The following MPDZ variants were observed in gnomAD, a reference collection of about 807,000 sequenced individuals.
MPDZ encodes multiple PDZ domain crumbs cell polarity complex component.
MPDZ carries 234 observed loss-of-function variants against 239.1 expected under a neutral mutation model. That is an observed-to-expected ratio of 0.98 (90% CI 0.88 to 1.09). The LOEUF (loss-of-function observed/expected upper bound fraction) is 1.09, where lower values mean the gene tolerates loss of function less well. Among genes scored for constraint, MPDZ ranks in the 50% least tolerant of loss-of-function variants. The pLI is 0.00. For missense variants in MPDZ, 3,175 were observed against 2,510.0 expected, an observed-to-expected ratio of 1.26 and a Z score of -5.66; for synonymous variants, 1,048 against 881.3, an observed-to-expected ratio of 1.19 and a Z score of -3.35.
intron 21 of MPDZ, among the ~76,000 whole-genome samples, chr9:13,173,267 T>C (rs1445578002): frequency 6.6e-6 from 1 of 152,214 alleles, no homozygotes; most frequent in Admixed American, 6.5e-5. Flanking sequence ...ATGAAAATGG[T>C]CAATTTTATG....
intron 19 of MPDZ, among the ~76,000 whole-genome samples, chr9:13,177,139 A>G (rs1952605318): frequency 6.6e-6 from 1 of 152,160 alleles, no homozygotes; most frequent in Non-Finnish European, 1.5e-5. Context: ...ATAAATATGT[A>G]TATCTACTTA....
At chr9:13,148,867 A>G (rs1032701383) in intron 25 of MPDZ, among the ~76,000 whole-genome samples, 2 of 152,174 alleles carry the variant, frequency 1.3e-5, no homozygotes, top group East Asian at 1.9e-4. Context: ...GCTAAATTGC[A>G]TACAGTATTT....
Position 13,107,081 on chromosome 9 carries a change from T to C in MPDZ, c.6097A>G (p.Arg2033Gly). The change falls in exon 47 of 47, where the codon AGG becomes GGG. Residue 2033 changes from arginine to glycine, a missense_variant. Transcript: ENST00000319217. ...GAASEDGRLK[R>G]GDQIIAVNGQ... ...TTGACAGCAATGATCTGATCGCCCC[T>C]TTTCAGACGTCCGTCTTCAGAGGCT... The C allele has an allele frequency of 6.3e-7, 1 of 1,581,118 alleles. No individual in the cohort carries two copies. Among genetic ancestry groups the C allele is most frequent in the Non-Finnish European group, 8.7e-7 (1 of 1,155,296 alleles).
chr9:13,166,741 C>T (rs1284599207), intron 22 of MPDZ, among the ~76,000 whole-genome samples: 1 of 152,012 alleles, frequency 6.6e-6, no homozygotes, highest in Non-Finnish European at 1.5e-5. Flanking sequence ...CTTCTGCCCA[C>T]ATGATAGGGT....
intron 38 of MPDZ, 117 bp downstream of exon 38, chr9:13,121,622 A>T: frequency 4.9e-6 from 5 of 1,022,532 alleles, no homozygotes; most frequent in Non-Finnish European, 7.3e-6. Context: ...GGCTAACAAC[A>T]GCTACCTACT....
chr9:13,159,785 A>T (rs1950247025), intron 23 of MPDZ, among the ~76,000 whole-genome samples: 1 of 152,132 alleles, frequency 6.6e-6, no homozygotes. Flanking sequence ...ATGATTCTAT[A>T]ATCTTGAATC....
intron 23 of MPDZ, among the ~76,000 whole-genome samples, chr9:13,161,550 G>A (rs1236149841): frequency 2.6e-5 from 4 of 152,000 alleles, no homozygotes; most frequent in Admixed American, 6.6e-5. Context: ...CACTGCCTGG[G>A]CAACAAGAGT....
chr9:13,226,037 G>A (rs1333083270), intron 3 of MPDZ, among the ~76,000 whole-genome samples: 4 of 151,966 alleles, frequency 2.6e-5, no homozygotes, highest in African/African-American at 9.7e-5. Flanking sequence ...GGGGAACCTC[G>A]CAAATTTGCA....
chr9:13,137,508 C>T (rs1000131069), intron 29 of MPDZ, among the ~76,000 whole-genome samples: 1 of 152,088 alleles, frequency 6.6e-6, no homozygotes, highest in East Asian at 1.9e-4. Flanking sequence ...TTATTTTGTT[C>T]GGCAGGCTGA....
chr9:13,191,153 A>G (rs1262705798), intron 15 of MPDZ, among the ~76,000 whole-genome samples: 2 of 152,162 alleles, frequency 1.3e-5, no homozygotes, highest in Admixed American at 1.3e-4. Flanking sequence ...ATCCCATTAT[A>G]CACATAAAAA....
chr9:13,110,500 T>G (rs1942268179), intron 44 of MPDZ, 136 bp downstream of exon 44: 1 of 687,414 alleles, frequency 1.5e-6, no homozygotes, highest in Non-Finnish European at 2.5e-6. Flanking sequence ...AACTCTTAAT[T>G]TAATCATTTA....
chr9:13,129,011 C>A (rs1241335648), intron 32 of MPDZ, among the ~76,000 whole-genome samples: 3 of 152,134 alleles, frequency 2.0e-5, no homozygotes, highest in Non-Finnish European at 2.9e-5. Context: ...CTTGATGAAA[C>A]CTGATGGAAT....
chr9:13,112,108 T>TCC lies in MPDZ; in HGVS notation c.5638_5639dup (p.Val1881GlufsTer2), dbSNP rs1321697192. ...GCACATCACCAAGTGGGCTGCCTAC[T>TCC]CCTCCAGCGATGCTGATTCCCAGTG... On this transcript the variant is annotated frameshift_variant, in exon 43 of 47. Transcript: ENST00000319217. LOFTEE classifies it high-confidence loss of function. The TCC allele has an allele frequency of 6.2e-7, 1 of 1,613,406 alleles. No homozygotes were observed. The highest frequency in any genetic ancestry group is 1.7e-5 in the Admixed American group (1 of 60,012).
intron 32 of MPDZ, among the ~76,000 whole-genome samples, chr9:13,131,204 G>A (rs1451339191): frequency 6.6e-6 from 1 of 152,052 alleles, no homozygotes; most frequent in East Asian, 1.9e-4. Context: ...ATGTAATAAT[G>A]GGGTTAGGAG....
intron 24 of MPDZ, among the ~76,000 whole-genome samples, chr9:13,152,518 G>A (rs1452907627): frequency 2.0e-5 from 3 of 152,032 alleles, no homozygotes; most frequent in Admixed American, 2.0e-4. Context: ...TGTGAGATGT[G>A]TCTTTCACCT....
chr9:13,215,809 C>T (rs571342638), intron 10 of MPDZ, among the ~76,000 whole-genome samples: 1 of 129,376 alleles, frequency 7.7e-6, no homozygotes, highest in African/African-American at 2.8e-5. Context: ...ATTCTGCTGC[C>T]CAGGCTGGAG....
intron 2 of MPDZ, among the ~76,000 whole-genome samples, chr9:13,248,324 C>A (rs1454876756): frequency 6.6e-6 from 1 of 151,684 alleles, no homozygotes; most frequent in Admixed American, 6.6e-5. Context: ...AATCTTTCTC[C>A]AAAATTAAAT....
intron 21 of MPDZ, among the ~76,000 whole-genome samples, chr9:13,170,491 G>A (rs1951654186): frequency 6.6e-6 from 1 of 152,102 alleles, no homozygotes; most frequent in South Asian, 2.1e-4. Flanking sequence ...TGAGAAAAAA[G>A]GCTGAATCTG....
At chr9:13,127,326 T>C (rs1232684305) in intron 32 of MPDZ, among the ~76,000 whole-genome samples, 1 of 152,188 alleles carries the variant, frequency 6.6e-6, no homozygotes, top group Non-Finnish European at 1.5e-5. Flanking sequence ...AGACTGAAAA[T>C]GCCTCTCAGT....
Sources: gnomAD v4.1 joint callset for allele counts (sites outside exome capture counted in the v4.1 genomes callset) on GRCh38, gnomAD v4.1.1 for gene constraint, MANE v1.5 for transcripts, NCBI Gene and HGNC (gene_info 2026-07-23, HGNC 2026-07-21) for gene names.